Variants in RBPMS observed in about 807,000 individuals in gnomAD.
The protein encoded by RBPMS is RNA binding protein, mRNA processing factor.
A neutral mutation model predicts 26.8 loss-of-function variants in RBPMS; 7 were observed. The observed-to-expected ratio is 0.26, with a 90% CI of 0.15 to 0.49. RBPMS has a LOEUF of 0.49. Among genes scored for constraint, RBPMS ranks in the 20% least tolerant of loss-of-function variants. RBPMS has a pLI of 0.98. For missense variants in RBPMS, 186 were observed against 250.0 expected (o/e 0.74, Z 1.73); for synonymous variants, 96 against 93.3 (o/e 1.03, Z -0.17).
intron 1 of RBPMS, among the ~76,000 whole-genome samples, chr8:30,393,930 T>C (rs1563281045): frequency 7.9e-6 from 1 of 126,784 alleles, no homozygotes; most frequent in East Asian, 2.3e-4. Context: ...CTTGCATTTG[T>C]ATTTCTCTTA....
chr8:30,428,819 T>G (rs1811638513), intron 1 of RBPMS, among the ~76,000 whole-genome samples: 1 of 152,112 alleles, frequency 6.6e-6, no homozygotes, highest in African/African-American at 2.4e-5. Context: ...GTACACTATT[T>G]TAATGGTATG....
intron 2 of RBPMS, among the ~76,000 whole-genome samples, chr8:30,476,376 A>T (rs778648024): frequency 3.9e-5 from 6 of 152,180 alleles, no homozygotes; most frequent in Non-Finnish European, 8.8e-5. Flanking sequence ...GTTTTACTTG[A>T]GTGAAATATC....
At chr8:30,466,695 G>T (rs942255787) in intron 1 of RBPMS, among the ~76,000 whole-genome samples, 1 of 151,236 alleles carries the variant, frequency 6.6e-6, no homozygotes, top group Non-Finnish European at 1.5e-5. Context: ...CCCAGGTTCA[G>T]GTGATTCTCC....
chr8:30,537,521 GA>G, intron 5 of RBPMS: 1 of 455,968 alleles, frequency 2.2e-6, no homozygotes, highest in Non-Finnish European at 4.4e-6. Flanking sequence ...GTAGGGATGG[GA>G]ATGAGAAAGA....
At chr8:30,541,857 C>A (rs1320308935) in intron 5 of RBPMS, among the ~76,000 whole-genome samples, 1 of 152,158 alleles carries the variant, frequency 6.6e-6, no homozygotes, top group African/African-American at 2.4e-5. Context: ...TCTCAAGCAA[C>A]GAAAAAGCAA....
chr8:30,534,744 T>A (rs936467589), intron 5 of RBPMS, among the ~76,000 whole-genome samples: 9 of 152,246 alleles, frequency 5.9e-5, no homozygotes, highest in African/African-American at 2.2e-4. Flanking sequence ...GTTTCCTAGG[T>A]CAGTGGCAAT....
chr8:30,538,964 G>C (rs1825102550), intron 5 of RBPMS, among the ~76,000 whole-genome samples: 1 of 152,166 alleles, frequency 6.6e-6, no homozygotes, highest in Non-Finnish European at 1.5e-5. Context: ...TACATTCTTA[G>C]TCCTGATGGC....
intron 4 of RBPMS, among the ~76,000 whole-genome samples, chr8:30,500,740 T>A (rs566911073): frequency 1.6e-4 from 25 of 152,292 alleles, no homozygotes; most frequent in African/African-American, 6.0e-4. Context: ...TTTGTCACTT[T>A]AGGCTGCAGC....
intron 5 of RBPMS, among the ~76,000 whole-genome samples, chr8:30,542,021 T>A (rs1316368073): frequency 6.6e-6 from 1 of 152,194 alleles, no homozygotes; most frequent in Non-Finnish European, 1.5e-5. Flanking sequence ...ACGTATCTTT[T>A]GATGTTTATG....
At chr8:30,458,933 A>T (rs567887702) in intron 1 of RBPMS, among the ~76,000 whole-genome samples, 1 of 150,472 alleles carries the variant, frequency 6.6e-6, no homozygotes, top group Non-Finnish European at 1.5e-5. Flanking sequence ...ATGAGATTAT[A>T]GGCATGAGCC....
At chr8:30,511,545 GTGTGTA>G (rs1275922729) in intron 5 of RBPMS, among the ~76,000 whole-genome samples, 7 of 129,688 alleles carry the variant, frequency 5.4e-5, no homozygotes, top group East Asian at 4.8e-4. Flanking sequence ...GTGTGTGTGT[GTGTGTA>G]TGTATAGATA....
At chr8:30,547,486 T>G in intron 6 of RBPMS, 3 of 1,550,210 alleles carry the variant, frequency 1.9e-6, no homozygotes, top group Non-Finnish European at 2.6e-6. Context: ...CTTTGAGAGA[T>G]TTCAATAAAA....
At chr8:30,549,764 T>C (rs1190460254) in intron 6 of RBPMS, among the ~76,000 whole-genome samples, 2,167 of 86,442 alleles carry the variant, frequency 0.025, 60 homozygotes, top group African/African-American at 0.12. Context: ...TTCTTTTCTT[T>C]TCTTTTCTTC....
intron 1 of RBPMS, among the ~76,000 whole-genome samples, chr8:30,431,909 C>T (rs1422913109): frequency 6.6e-6 from 1 of 151,898 alleles, no homozygotes; most frequent in East Asian, 1.9e-4. Flanking sequence ...TTGCTTGAGC[C>T]CAAGAGTTGG....
At chr8:30,547,125 A>T (rs1825933493) in intron 6 of RBPMS, among the ~76,000 whole-genome samples, 1 of 152,228 alleles carries the variant, frequency 6.6e-6, no homozygotes, top group African/African-American at 2.4e-5. Flanking sequence ...ATCTTTAGTA[A>T]CTGGAGGCAG....
chr8:30,502,285 C>G (rs1034285266), intron 4 of RBPMS, among the ~76,000 whole-genome samples: 3 of 152,082 alleles, frequency 2.0e-5, no homozygotes, highest in African/African-American at 7.2e-5. Flanking sequence ...AGGACTCAAG[C>G]CGCCAGCCCA....
chr8:30,545,837 A>ATTGCCCTC (rs1358330813), intron 6 of RBPMS, among the ~76,000 whole-genome samples: 1 of 152,120 alleles, frequency 6.6e-6, no homozygotes, highest in Non-Finnish European at 1.5e-5. Flanking sequence ...CCCAGTAATG[A>ATTGCCCTC]TTGCCCTCTA....
intron 1 of RBPMS, among the ~76,000 whole-genome samples, chr8:30,386,587 C>A (rs546939927): frequency 6.6e-6 from 1 of 152,146 alleles, no homozygotes; most frequent in East Asian, 1.9e-4. Context: ...TTTTTCAAAG[C>A]GATGGAGAGT....
intron 1 of RBPMS, among the ~76,000 whole-genome samples, chr8:30,463,079 A>G (rs988797419): frequency 6.6e-6 from 1 of 152,144 alleles, no homozygotes; most frequent in African/African-American, 2.4e-5. Context: ...CATCACATGC[A>G]CCTTCTCTTA....
Sources: allele counts gnomAD v4.1 joint callset (sites outside exome capture counted in the v4.1 genomes callset), GRCh38; gene constraint gnomAD v4.1.1; transcripts MANE v1.5; gene names NCBI Gene and HGNC (gene_info 2026-07-23, HGNC 2026-07-21).